The following KIF6 variants were observed in gnomAD, a reference collection of about 807,000 sequenced individuals.
KIF6 encodes the protein kinesin-like protein KIF6.
In KIF6, 106 loss-of-function variants were observed where a neutral mutation model predicts 112.7. That is an observed-to-expected ratio of 0.94 (90% confidence interval 0.80 to 1.11). The LOEUF (loss-of-function observed/expected upper bound fraction) is 1.11, where lower values mean the gene tolerates loss of function less well. Among genes scored for constraint, KIF6 ranks in the 50% least tolerant of loss-of-function variants. The probability of loss-of-function intolerance (pLI) is 0.00; values close to 1 mark genes in which losing one functional copy is unlikely to be tolerated. For synonymous variants in KIF6, 339 were observed against 339.9 expected, an observed-to-expected ratio of 1.00 and a Z score of 0.03; for missense variants, 929 against 964.0, an observed-to-expected ratio of 0.96 and a Z score of 0.48.
At chr6:39,420,948 G>A (rs1298813763) in intron 14 of KIF6, among the ~76,000 whole-genome samples, 3 of 152,134 alleles carry the variant, frequency 2.0e-5, no homozygotes, top group South Asian at 2.1e-4. Context: ...AGACACCCAC[G>A]ATGAGCCAAC....
At chr6:39,635,924 C>T (rs1190467123) in intron 4 of KIF6, among the ~76,000 whole-genome samples, 2 of 151,954 alleles carry the variant, frequency 1.3e-5, no homozygotes, top group African/African-American at 2.4e-5. Flanking sequence ...AAGCAGGTTG[C>T]CAGGGTGTCA....
intron 10 of KIF6, among the ~76,000 whole-genome samples, chr6:39,565,694 C>T (rs1053597465): frequency 1.3e-5 from 2 of 152,204 alleles, no homozygotes; most frequent in Non-Finnish European, 2.9e-5. Context: ...AAATGAAATC[C>T]TTCTCAGTAT....
At chr6:39,568,260 C>G (rs1780428417) in intron 10 of KIF6, among the ~76,000 whole-genome samples, 1 of 152,134 alleles carries the variant, frequency 6.6e-6, no homozygotes, top group South Asian at 2.1e-4. Flanking sequence ...AAGGTATATT[C>G]TAGATCAAGT....
At chr6:39,357,448 C>CT (rs552350303) in intron 18 of KIF6, 74 bp from the exon 19 acceptor site, 21,621 of 542,846 alleles carry the variant, frequency 0.04, 232 homozygotes, top group African/African-American at 0.1. Flanking sequence ...TGATGTAATT[C>CT]TTTTTTTTTT....
At chr6:39,625,640 T>C (rs6921956) in intron 5 of KIF6, among the ~76,000 whole-genome samples, 8,676 of 152,022 alleles carry the variant, frequency 0.057, 812 homozygotes, top group African/African-American at 0.2. Flanking sequence ...CAAATCCCCA[T>C]AGGAGACAGA....
At chr6:39,419,509 T>G (rs1384548946) in intron 15 of KIF6, among the ~76,000 whole-genome samples, 2 of 152,190 alleles carry the variant, frequency 1.3e-5, no homozygotes, top group Non-Finnish European at 2.9e-5. Flanking sequence ...TTGCTTCTTA[T>G]CCTTCCACCA....
Position 39,596,270 on chromosome 6 carries a change from A to C in KIF6, c.640-10T>G. On this transcript the variant is annotated splice_polypyrimidine_tract_variant and intron_variant, in intron 6 of 22. Coordinates refer to ENST00000287152, the MANE Select transcript of KIF6 (RefSeq NM_145027.6). ...CTTGGTTCATAGGAGTCTATAAAAA[A>C]ATTGCAAAACAAAAATTATTTGAAC... is the stretch of plus-strand genomic sequence containing the variant. The C allele has an allele frequency of 1.3e-6, 2 of 1,593,858 alleles. No homozygotes were observed. Among genetic ancestry groups the C allele is most frequent in the Non-Finnish European group, 1.7e-6 (2 of 1,165,584 alleles).
At chr6:39,453,681 A>G (rs1772846982) in intron 13 of KIF6, among the ~76,000 whole-genome samples, 1 of 152,232 alleles carries the variant, frequency 6.6e-6, no homozygotes, top group Admixed American at 6.5e-5. Context: ...GCTTTCTGGT[A>G]ATCACTGTAG....
chr6:39,504,183 G>C (rs1282358555), intron 13 of KIF6, among the ~76,000 whole-genome samples: 9 of 152,138 alleles, frequency 5.9e-5, no homozygotes, highest in Admixed American at 5.9e-4. Flanking sequence ...TCATCCCCAG[G>C]ATGCAAGGCT....
Position 39,448,471 on chromosome 6 carries a change from G to A in KIF6, c.1646-17310C>T, listed in dbSNP as rs534670025. 7.9e-4 allele frequency among the ~76,000 whole-genome samples: 120 copies of A among 152,188 alleles called. 1 individual carries two copies. The highest frequency in any genetic ancestry group is 9.6e-4 in the Non-Finnish European group (65 of 68,004). ...ATTACAGGTGTGAGCCATCGTGCCC[G>A]GCCAAAATATGTTGTATTAAGTGAC... On this transcript the variant is annotated intron_variant, in intron 13 of 22. Transcript: ENST00000287152.
At chr6:39,603,217 C>T (rs1782672408) in intron 6 of KIF6, among the ~76,000 whole-genome samples, 1 of 152,076 alleles carries the variant, frequency 6.6e-6, no homozygotes, top group Non-Finnish European at 1.5e-5. Flanking sequence ...ATGACCCTGT[C>T]AGACAATGGT....
intron 22 of KIF6, among the ~76,000 whole-genome samples, chr6:39,341,398 C>T (rs1048289035): frequency 5.3e-5 from 8 of 152,150 alleles, no homozygotes; most frequent in African/African-American, 1.9e-4. Context: ...CCTTTTCGCA[C>T]CCTGGCAGTG....
At chr6:39,665,623 C>G (rs1786420441) in intron 3 of KIF6, among the ~76,000 whole-genome samples, 1 of 152,074 alleles carries the variant, frequency 6.6e-6, no homozygotes, top group South Asian at 2.1e-4. Flanking sequence ...CAGGAATAGA[C>G]TATAAGCAAC....
At chr6:39,408,491 A>G (rs1246068844) in intron 15 of KIF6, among the ~76,000 whole-genome samples, 2 of 152,230 alleles carry the variant, frequency 1.3e-5, no homozygotes, top group African/African-American at 4.8e-5. Context: ...TAGTATTTAC[A>G]TAGTTTATTT....
chr6:39,392,303 A>G lies in KIF6; in HGVS notation c.1811-6631T>C, dbSNP rs115736425. On this transcript the variant is annotated intron_variant, in intron 15 of 22. Coordinates refer to ENST00000287152, the MANE Select transcript of KIF6 (RefSeq NM_145027.6). ...CATTTTTTGATAGTTGAACAACTGG[A>G]TTGCACCTCACTCCCACTAACACAA... 2.9e-3 allele frequency among the ~76,000 whole-genome samples: 448 copies of G among 152,292 alleles called. 2 individuals carry two copies. The highest frequency in any genetic ancestry group is 9.4e-3 in the African/African-American group (392 of 41,576).
intron 13 of KIF6, among the ~76,000 whole-genome samples, chr6:39,438,092 C>G (rs182320951): frequency 3.9e-5 from 6 of 152,230 alleles, no homozygotes; most frequent in Admixed American, 3.9e-4. Context: ...ATTCTCCTGT[C>G]TCAGCCACCC....
intron 12 of KIF6, among the ~76,000 whole-genome samples, chr6:39,540,613 G>A (rs918089422): frequency 5.3e-5 from 8 of 152,242 alleles, no homozygotes; most frequent in Non-Finnish European, 1.0e-4. Context: ...CCCCCTGGGC[G>A]AGCACGCGCC....
chr6:39,649,858 C>T (rs1344904959), intron 3 of KIF6, among the ~76,000 whole-genome samples: 2 of 152,150 alleles, frequency 1.3e-5, no homozygotes, highest in Non-Finnish European at 2.9e-5. Flanking sequence ...ACCCAAGAAA[C>T]CAAATGGCTA....
At chr6:39,707,826 A>ATTTAT in intron 3 of KIF6, among the ~76,000 whole-genome samples, 1 of 152,320 alleles carries the variant, frequency 6.6e-6, no homozygotes, top group South Asian at 2.1e-4. Flanking sequence ...ACTTGGTGTT[A>ATTTAT]TTAGCATCCC....
Sources: gnomAD v4.1 joint callset for allele counts (sites outside exome capture counted in the v4.1 genomes callset) on GRCh38, gnomAD v4.1.1 for gene constraint, MANE v1.5 for transcripts, NCBI Gene and HGNC (gene_info 2026-07-23, HGNC 2026-07-21) for gene names.